PCDHGC3: variants seen among roughly 807,000 people sequenced by gnomAD.
PCDHGC3 encodes the protein protocadherin gamma-C3.
Under a neutral mutation model 59.2 loss-of-function variants are expected in PCDHGC3, and 26 were observed. That is an observed-to-expected ratio of 0.44 (90% CI 0.32 to 0.61). The LOEUF is 0.61. PCDHGC3 is among the 20% of genes least tolerant of loss of function. PCDHGC3 has a pLI of 0.05. For missense variants in PCDHGC3, 1,080 were observed against 1,221.8 expected (o/e 0.88, Z 1.73); for synonymous variants, 487 against 519.7 (o/e 0.94, Z 0.86).
chr5:141,496,663 G>A (rs2099770279), intron 2 of PCDHGC3, among the ~76,000 whole-genome samples: 1 of 152,196 alleles, frequency 6.6e-6, no homozygotes, highest in Admixed American at 6.5e-5. Context: ...GACCCCAGCT[G>A]TTGTCCTTCT....
chr5:141,498,713 C>T (rs1216279302), intron 2 of PCDHGC3, among the ~76,000 whole-genome samples: 1 of 152,148 alleles, frequency 6.6e-6, no homozygotes, highest in East Asian at 1.9e-4. Flanking sequence ...GGGTGGATCA[C>T]CTGAGGTCAG....
At chr5:141,510,353 C>T (rs74759939) in intron 3 of PCDHGC3, among the ~76,000 whole-genome samples, 2 of 146,504 alleles carry the variant, frequency 1.4e-5, no homozygotes, top group African/African-American at 5.0e-5. Context: ...CACTTACTAA[C>T]GGAACTACCG....
At chr5:141,479,823 G>A (rs1208437635) in intron 1 of PCDHGC3, among the ~76,000 whole-genome samples, 1 of 152,172 alleles carries the variant, frequency 6.6e-6, no homozygotes, top group Admixed American at 6.5e-5. Context: ...TACTATCCAA[G>A]GCATGGTATC....
At chr5:141,500,452 G>C (rs554196222) in intron 2 of PCDHGC3, among the ~76,000 whole-genome samples, 1 of 151,506 alleles carries the variant, frequency 6.6e-6, no homozygotes, top group South Asian at 2.1e-4. Context: ...CTCGTGATCC[G>C]CCCGCCTCGG....
At chr5:141,495,852 TCTCA>T (rs1473070626) in intron 2 of PCDHGC3, among the ~76,000 whole-genome samples, 1 of 152,174 alleles carries the variant, frequency 6.6e-6, no homozygotes, top group Non-Finnish European at 1.5e-5. Flanking sequence ...TTTCTCTGTC[TCTCA>T]CTATTTCTGC....
chr5:141,497,739 A>G (rs1180122239), intron 2 of PCDHGC3, among the ~76,000 whole-genome samples: 1 of 152,118 alleles, frequency 6.6e-6, no homozygotes, highest in Admixed American at 6.6e-5. Flanking sequence ...GGGTTTCGCC[A>G]CGTTGGCCAG....
In PCDHGC3 at chr5:141,485,961, A is replaced by C. The variant is rs766687554; in HGVS notation, c.2430+7415A>C. ...GCACCAGCGGGCATGGTGCTCATCC[A>C]GCTCAATGCCTCAGACCCGGACCTG... On this transcript the variant is annotated intron_variant, in intron 1 of 3. Coordinates refer to ENST00000308177, the MANE Select transcript of PCDHGC3 (RefSeq NM_002588.4). The surrounding 1 kb of genome is among the most constrained non-coding windows in gnomAD (Gnocchi z 5.7). 6.2e-7 allele frequency: 1 copy of C among 1,614,204 alleles called. No homozygotes were observed. The highest frequency in any genetic ancestry group is 1.1e-5 in the South Asian group (1 of 91,090).
In PCDHGC3 at chr5:141,477,005, T is replaced by C; in HGVS notation, c.889T>C (p.Leu297=). The C allele has an allele frequency of 1.2e-6, 2 of 1,614,240 alleles. No individual in the cohort carries two copies. Among genetic ancestry groups the C allele is most frequent in the Non-Finnish European group, 1.7e-6 (2 of 1,180,040 alleles). Reference sequence around the variant, plus strand: ...CGCCGGCGTGCGGCAACTATTCGCCTTAGACCTTGTAACCGGGATGCTGAC... The same window carrying C: ...CGCCGGCGTGCGGCAACTATTCGCCCTAGACCTTGTAACCGGGATGCTGAC... ...NRAGVRQLFA[L]DLVTGMLTIK... Residue 297 remains leucine, a synonymous_variant, in exon 1 of 4, where the codon TTA becomes CTA. Transcript: ENST00000308177. The surrounding 1 kb of genome is among the most constrained non-coding windows in gnomAD (Gnocchi z 4.9).
rs2099385215 is a variant in PCDHGC3 at position 141,476,099 on chromosome 5, G to A, written c.-18G>A. On this transcript the variant is annotated 5_prime_UTR_variant, in exon 1 of 4. Coordinates refer to ENST00000308177, the MANE Select transcript of PCDHGC3 (RefSeq NM_002588.4). This position sits in a 1 kb window ranked among gnomAD's most constrained non-coding sequence, Gnocchi z 7.6. ...GGGACGATCTGGACCCCGCTGAGAGGAACTGCTTTTGAGTGAGATGGTCCC... is the reference window on the plus strand; with the variant it reads ...GGGACGATCTGGACCCCGCTGAGAGAAACTGCTTTTGAGTGAGATGGTCCC... 1 of 1,574,916 alleles carries A rather than the reference G, an allele frequency of 6.3e-7. No individual in the cohort carries two copies.
chr5:141,509,602 C>T (rs921950654), intron 3 of PCDHGC3, among the ~76,000 whole-genome samples: 8 of 152,194 alleles, frequency 5.3e-5, no homozygotes, highest in Non-Finnish European at 8.8e-5. Context: ...TTCCGAGAGG[C>T]TGCATTCTAA....
At chr5:141,506,240 G>A (rs918820495) in intron 3 of PCDHGC3, among the ~76,000 whole-genome samples, 8 of 152,184 alleles carry the variant, frequency 5.3e-5, no homozygotes, top group Middle Eastern at 3.4e-3. Flanking sequence ...CATGAGGTCA[G>A]GAGTTCGAAA....
In PCDHGC3 at chr5:141,511,979, T is replaced by C. The variant is rs1205375941; in HGVS notation, c.*806T>C. ...AGGAAGGGAAGTGTGTGGATGTGGA[T>C]GGTGGGGGCATGGACAAAGCTTGAC... On this transcript the variant is annotated 3_prime_UTR_variant, in exon 4 of 4. Transcript: ENST00000308177. The C allele has an allele frequency of 6.5e-5, 10 of 153,278 alleles. No individual in the cohort carries two copies. The highest frequency in any genetic ancestry group is 1.5e-4 in the Non-Finnish European group (10 of 68,568). The allele number at this position is 153,278 out of a possible 1,614,324, so 9.5% of individuals were successfully genotyped here.
intron 1 of PCDHGC3, among the ~76,000 whole-genome samples, chr5:141,483,203 A>G (rs940487337): frequency 6.6e-6 from 1 of 152,204 alleles, no homozygotes; most frequent in Admixed American, 6.5e-5. Flanking sequence ...ATTTTATTCC[A>G]TATAGATGAC....
rs779191558 is a variant in PCDHGC3 at position 141,491,465 on chromosome 5, A to T, written c.2431-3342A>T. 3.1e-6 allele frequency: 5 copies of T among 1,614,092 alleles called. No homozygotes were observed. Among genetic ancestry groups the T allele is most frequent in the Non-Finnish European group, 4.2e-6 (5 of 1,180,010 alleles). On this transcript the variant is annotated intron_variant, in intron 1 of 3. Transcript: ENST00000308177. The surrounding 1 kb of genome is among the most constrained non-coding windows in gnomAD (Gnocchi z 6.9). ...CAGGACTCACCCTCCCCGGACTTCT[A>T]TAAGCAGTCCAGCCCCAACCTGCAG... is the stretch of plus-strand genomic sequence containing the variant.
intron 2 of PCDHGC3, among the ~76,000 whole-genome samples, chr5:141,495,233 A>G (rs1226612093): frequency 1.3e-5 from 2 of 152,196 alleles, no homozygotes; most frequent in African/African-American, 4.8e-5. Flanking sequence ...GCTGGGCTCC[A>G]TTATGACCTG....
Position 141,484,782 on chromosome 5 carries a change from C to A in PCDHGC3, c.2430+6236C>A, listed in dbSNP as rs572593816. 2.0e-5 allele frequency among the ~76,000 whole-genome samples: 3 copies of A among 152,066 alleles called. No homozygotes were observed. In the South Asian group the frequency reaches 6.3e-4, roughly 32 times the overall value. On this transcript the variant is annotated intron_variant, in intron 1 of 3. Transcript: ENST00000308177. Reference sequence around the variant, plus strand: ...TATATATATGTTGTCTGCCTCCCCACAGAGATAACAACCCGTGGAAAAACA... The same window carrying A: ...TATATATATGTTGTCTGCCTCCCCAAAGAGATAACAACCCGTGGAAAAACA...
intron 1 of PCDHGC3, chr5:141,492,003 T>G: frequency 1.6e-6 from 1 of 626,972 alleles, no homozygotes; most frequent in Non-Finnish European, 2.6e-6. Context: ...TCGGGCGATT[T>G]CCGCGGGTGT....
chr5:141,490,686 C>T lies in PCDHGC3; in HGVS notation c.2431-4121C>T. The T allele has an allele frequency of 3.7e-6, 6 of 1,614,196 alleles. No homozygotes were observed. The highest frequency in any genetic ancestry group is 5.1e-6 in the Non-Finnish European group (6 of 1,180,014). ...GCACTGTGGCTGCCTCAGATCCAGA[C>T]ACTGGGGATAATGCCCGCCTCACCT... On this transcript the variant is annotated intron_variant, in intron 1 of 3. Coordinates refer to ENST00000308177, the MANE Select transcript of PCDHGC3 (RefSeq NM_002588.4). This position sits in a 1 kb window ranked among gnomAD's most constrained non-coding sequence, Gnocchi z 5.4.
chr5:141,511,129 G>A lies in PCDHGC3; in HGVS notation c.2761G>A (p.Gly921Ser). ...GCGGGATGGCAAGGCCCCAGCAGGT[G>A]GCAATGGCAACAAGAAGAAGTCGGG... ...GKRDGKAPAGGNGNKKKSGKK... is the reference protein window; with the variant it reads ...GKRDGKAPAGSNGNKKKSGKK... Residue 921 changes from glycine to serine, a missense_variant, in exon 4 of 4, where the codon GGC becomes AGC. By Grantham distance (56) the Gly-to-Ser change is moderately conservative. Coordinates refer to ENST00000308177, the MANE Select transcript of PCDHGC3 (RefSeq NM_002588.4). 1 of 1,614,204 alleles carries A rather than the reference G, an allele frequency of 6.2e-7. No individual in the cohort carries two copies. Among genetic ancestry groups the A allele is most frequent in the Non-Finnish European group, 8.5e-7 (1 of 1,180,014 alleles).
Sources: allele counts gnomAD v4.1 joint callset (sites outside exome capture counted in the v4.1 genomes callset), GRCh38; gene constraint gnomAD v4.1.1; non-coding constraint Gnocchi (gnomAD v3.1); transcripts MANE v1.5; gene names NCBI Gene and HGNC (gene_info 2026-07-23, HGNC 2026-07-21).